Variants in ASIC2 observed in about 807,000 individuals in gnomAD.
The protein encoded by ASIC2 is acid-sensing ion channel 2.
Under a neutral mutation model 57.3 loss-of-function variants are expected in ASIC2, and 25 were observed. That is an observed-to-expected ratio of 0.44 (90% CI 0.32 to 0.61). The LOEUF is 0.61. Ranked by LOEUF, ASIC2 falls within the 20% of genes least tolerant of loss-of-function variation. The pLI, the probability that ASIC2 is intolerant of heterozygous loss-of-function variation, is 0.06. For synonymous variants in ASIC2, 319 were observed against 307.5 expected, an observed-to-expected ratio of 1.04 and a Z score of -0.39; for missense variants, 641 against 738.1, an observed-to-expected ratio of 0.87 and a Z score of 1.52.
intron 1 of ASIC2, among the ~76,000 whole-genome samples, chr17:34,150,964 A>C (rs910830864): frequency 5.3e-5 from 8 of 152,034 alleles, no homozygotes; most frequent in African/African-American, 1.9e-4. Flanking sequence ...AATACCAGGC[A>C]TGGTGGCAGG....
intron 1 of ASIC2, among the ~76,000 whole-genome samples, chr17:33,204,502 T>A (rs573204410): frequency 6.6e-6 from 1 of 152,278 alleles, no homozygotes; most frequent in African/African-American, 2.4e-5. Flanking sequence ...TGGTAACTAG[T>A]CCCCAGTTTT....
chr17:33,755,565 T>C (rs1481191886), intron 1 of ASIC2, among the ~76,000 whole-genome samples: 5 of 152,208 alleles, frequency 3.3e-5, no homozygotes, highest in Non-Finnish European at 5.9e-5. Context: ...ATGGACATCA[T>C]TGGAGACTGA....
At chr17:33,341,293 A>G (rs320641) in intron 1 of ASIC2, among the ~76,000 whole-genome samples, 91,248 of 152,016 alleles carry the variant, frequency 0.6, 27,684 homozygotes, top group South Asian at 0.71. Flanking sequence ...TAATTTTGAC[A>G]TGGGCTGTCC....
At chr17:33,710,174 G>A (rs997436885) in intron 1 of ASIC2, among the ~76,000 whole-genome samples, 2 of 152,182 alleles carry the variant, frequency 1.3e-5, no homozygotes, top group African/African-American at 4.8e-5. Context: ...CACTGCCAAC[G>A]GCAAGCCATG....
At chr17:33,369,068 C>G (rs539182796) in intron 1 of ASIC2, among the ~76,000 whole-genome samples, 63 of 152,258 alleles carry the variant, frequency 4.1e-4, no homozygotes, top group African/African-American at 1.4e-3. Context: ...GAAGATTATC[C>G]TTGGTGGTGA....
At chr17:33,424,767 C>T (rs1426229552) in intron 1 of ASIC2, among the ~76,000 whole-genome samples, 1 of 152,168 alleles carries the variant, frequency 6.6e-6, no homozygotes, top group East Asian at 1.9e-4. Flanking sequence ...AGCCCTTCTA[C>T]CTCTAGAGTT....
At chr17:33,391,768 T>G (rs138610319) in intron 1 of ASIC2, among the ~76,000 whole-genome samples, 105 of 152,362 alleles carry the variant, frequency 6.9e-4, no homozygotes, top group African/African-American at 2.5e-3. Context: ...GACCTCCAAC[T>G]ATCATTTATT....
intron 1 of ASIC2, among the ~76,000 whole-genome samples, chr17:33,641,932 A>C (rs1248137717): frequency 1.3e-5 from 2 of 152,210 alleles, no homozygotes; most frequent in Non-Finnish European, 2.9e-5. Flanking sequence ...AGATATAAAA[A>C]GATCATACAT....
chr17:33,986,449 G>A (rs971648993), intron 1 of ASIC2, among the ~76,000 whole-genome samples: 2 of 152,076 alleles, frequency 1.3e-5, no homozygotes, highest in Admixed American at 1.3e-4. Context: ...TCTAGGAAAT[G>A]GCTGCTGTAG....
intron 3 of ASIC2, among the ~76,000 whole-genome samples, chr17:33,047,820 G>C (rs983096135): frequency 2.6e-5 from 4 of 152,204 alleles, no homozygotes; most frequent in African/African-American, 9.7e-5. Context: ...TTGGGCAGAT[G>C]CTGCCCTTCC....
intron 1 of ASIC2, among the ~76,000 whole-genome samples, chr17:33,437,210 G>T (rs888396873): frequency 1.3e-5 from 2 of 152,122 alleles, no homozygotes; most frequent in African/African-American, 2.4e-5. Flanking sequence ...GCAGTGGCAA[G>T]ATCATAGCTC....
chr17:33,179,704 A>G (rs537187382), intron 1 of ASIC2, among the ~76,000 whole-genome samples: 1 of 152,328 alleles, frequency 6.6e-6, no homozygotes, highest in South Asian at 2.1e-4. Flanking sequence ...TTACAAAGTT[A>G]AGAGACTTGT....
intron 1 of ASIC2, among the ~76,000 whole-genome samples, chr17:34,014,415 G>A (rs1268597272): frequency 6.6e-6 from 1 of 152,112 alleles, no homozygotes; most frequent in Non-Finnish European, 1.5e-5. Context: ...TTCAGTTTGG[G>A]GTGCCACCAT....
chr17:33,461,128 C>T (rs920171036), intron 1 of ASIC2, among the ~76,000 whole-genome samples: 6 of 152,236 alleles, frequency 3.9e-5, no homozygotes, highest in African/African-American at 1.4e-4. Flanking sequence ...CCCACTTCCA[C>T]CTGCTCCTCA....
At chr17:33,235,887 A>G (rs1908277267) in intron 1 of ASIC2, among the ~76,000 whole-genome samples, 1 of 152,080 alleles carries the variant, frequency 6.6e-6, no homozygotes, top group Non-Finnish European at 1.5e-5. Context: ...CCCAGGCTGG[A>G]GTGCAATGGT....
chr17:33,556,775 T>C (rs1915920875), intron 1 of ASIC2, among the ~76,000 whole-genome samples: 1 of 152,210 alleles, frequency 6.6e-6, no homozygotes, highest in Non-Finnish European at 1.5e-5. Flanking sequence ...GATTTTTCTT[T>C]CCATCTGCCC....
chr17:33,014,174 G>GGAGCA, intron 9 of ASIC2, 108 bp from the exon 10 acceptor site: 2 of 815,996 alleles, frequency 2.5e-6, no homozygotes, highest in Non-Finnish European at 4.2e-6. Context: ...CCACTTGTGG[G>GGAGCA]CTGCTTCTGC....
intron 1 of ASIC2, among the ~76,000 whole-genome samples, chr17:33,713,181 G>A (rs1332115575): frequency 6.6e-6 from 1 of 152,220 alleles, no homozygotes; most frequent in Non-Finnish European, 1.5e-5. Flanking sequence ...GATTACATAA[G>A]TTGTGAATAC....
rs183441865 is a variant in ASIC2, at chr17:33,892,635, G to A, written c.555+263343C>T. On this transcript the variant is annotated intron_variant, in intron 1 of 9. Coordinates refer to the ASIC2 transcript ENST00000359872. ...GCATGCCTTCCTCACTGGACTGTAG[G>A]CACATGGGGCATCCTTGAGAATAAG... Among the ~76,000 whole-genome samples, 23 of 152,284 alleles carry A rather than the reference G, an allele frequency of 1.5e-4. No homozygotes were observed. In the East Asian group the frequency reaches 4.1e-3, roughly 27 times the overall value.
Sources: gnomAD v4.1 joint callset for allele counts (sites outside exome capture counted in the v4.1 genomes callset) on GRCh38, gnomAD v4.1.1 for gene constraint, MANE v1.5 for transcripts, NCBI Gene and HGNC (gene_info 2026-07-23, HGNC 2026-07-21) for gene names.